Variants in TARS3 observed in about 807,000 individuals in gnomAD.
TARS3 encodes the protein threonine--tRNA ligase 2, cytoplasmic.
In TARS3, 94 loss-of-function variants were observed where a neutral mutation model predicts 103.5. That is an observed-to-expected ratio of 0.91 (90% confidence interval 0.77 to 1.08). The LOEUF is 1.08. TARS3 is among the 50% of genes least tolerant of loss of function. The probability of loss-of-function intolerance (pLI) is 0.00; values close to 1 mark genes in which losing one functional copy is unlikely to be tolerated. For missense variants in TARS3, 952 were observed against 995.2 expected (o/e 0.96, Z 0.58); for synonymous variants, 416 against 355.4 (o/e 1.17, Z -1.92).
intron 18 of TARS3, chr15:101,655,845 A>C: frequency 7.9e-7 from 1 of 1,266,304 alleles, no homozygotes; most frequent in South Asian, 1.3e-5. Flanking sequence ...TTACAGGCTC[A>C]CGCTGACTCC....
chr15:101,657,221 A>C (rs530219000), intron 17 of TARS3, among the ~76,000 whole-genome samples, 185 bp from the exon 18 acceptor site: 1 of 152,342 alleles, frequency 6.6e-6, no homozygotes, highest in South Asian at 2.1e-4. Context: ...CTAGTTTATA[A>C]AAGGCTGCAG....
chr15:101,679,832 C>G (rs1025263322), intron 12 of TARS3, among the ~76,000 whole-genome samples: 3 of 152,162 alleles, frequency 2.0e-5, no homozygotes, highest in African/African-American at 7.2e-5. Flanking sequence ...GAAAAGCAGT[C>G]CAAGCTCCTT....
chr15:101,654,395 C>T lies in TARS3; in HGVS notation c.*187G>A. The T allele has an allele frequency of 1.8e-6, 1 of 556,412 alleles. No individual in the cohort carries two copies. The highest frequency in any genetic ancestry group is 3.0e-6 in the Non-Finnish European group (1 of 336,862). 34.5% of individuals were successfully genotyped at this position (556,412 alleles called of 1,614,324 possible). On this transcript the variant is annotated 3_prime_UTR_variant, in exon 19 of 19. Transcript: ENST00000335968. The stretch of plus-strand genomic sequence containing the variant: ...AATTTCCCACGTGCCCTCTAAACGT[C>T]CCCCGTGGACATGAGTAAATTAAAC...
chr15:101,694,184 C>A, intron 10 of TARS3, among the ~76,000 whole-genome samples: 1 of 152,182 alleles, frequency 6.6e-6, no homozygotes, highest in Admixed American at 6.5e-5. Flanking sequence ...AGTTCACTTG[C>A]CTTTACTTAA....
chr15:101,702,436 T>G (rs769266446), intron 8 of TARS3, 51 bp from the exon 9 acceptor site: 26 of 1,464,836 alleles, frequency 1.8e-5, no homozygotes, highest in Non-Finnish European at 2.5e-5. Flanking sequence ...CAGTTGTAAG[T>G]AAAACTGCTC....
intron 17 of TARS3, 142 bp from the exon 18 acceptor site, chr15:101,657,178 A>T (rs1461564710): frequency 1.8e-6 from 1 of 560,332 alleles, no homozygotes; most frequent in Non-Finnish European, 3.1e-6. Flanking sequence ...GACCATAAAG[A>T]AGTGCGGAAG....
At chr15:101,716,989 T>A (rs1176645543) in intron 3 of TARS3, among the ~76,000 whole-genome samples, 1 of 151,984 alleles carries the variant, frequency 6.6e-6, no homozygotes, top group Non-Finnish European at 1.5e-5. Context: ...CCCAAGTAGC[T>A]GGGATTACAG....
At chr15:101,696,538 G>A (rs1463145647) in intron 10 of TARS3, among the ~76,000 whole-genome samples, 1 of 152,068 alleles carries the variant, frequency 6.6e-6, no homozygotes, top group East Asian at 1.9e-4. Context: ...TTAAGTTCTG[G>A]GATACTTTGC....
At chr15:101,690,540 C>T (rs1898669630) in intron 10 of TARS3, among the ~76,000 whole-genome samples, 1 of 152,038 alleles carries the variant, frequency 6.6e-6, no homozygotes, top group South Asian at 2.1e-4. Context: ...TTTGCTTTTA[C>T]CTATAAAAAG....
At chr15:101,686,165 A>AT (rs1203681029) in intron 10 of TARS3, 103 bp from the exon 11 acceptor site, 11 of 1,047,784 alleles carry the variant, frequency 1.0e-5, no homozygotes, top group Non-Finnish European at 1.5e-5. Flanking sequence ...CTCATGTCCT[A>AT]TATTAATTCA....
intron 3 of TARS3, among the ~76,000 whole-genome samples, chr15:101,718,764 A>C (rs542122170): frequency 7.0e-4 from 106 of 152,346 alleles, no homozygotes; most frequent in African/African-American, 2.4e-3. Context: ...GTCTCTATCT[A>C]GAAGATTCTT....
chr15:101,661,950 CTG>C (rs1897398483), intron 15 of TARS3, 134 bp from the exon 16 acceptor site: 1 of 504,806 alleles, frequency 2.0e-6, no homozygotes, highest in South Asian at 6.8e-5. Context: ...TGTTCTGTGA[CTG>C]TCTTGTTTTC....
At position 101,661,703 on chromosome 15, in the gene TARS3, A is replaced by G. The variant is rs374556327; in HGVS notation, c.2072+9T>C. 14 of 1,547,104 alleles carry G rather than the reference A, an allele frequency of 9.0e-6. No individual in the cohort carries two copies. Among genetic ancestry groups the G allele is most frequent in the Non-Finnish European group, 8.9e-6 (10 of 1,125,954 alleles). On this transcript the variant is annotated intron_variant, in intron 16 of 18. Coordinates refer to ENST00000335968, the MANE Select transcript of TARS3 (RefSeq NM_152334.3). ...TAGACATATAGTTTTTCTTTTCCAT[A>G]TCACTTACCATTTTCCGCCATAGTT...
At chr15:101,717,670 G>A (rs1159661493) in intron 3 of TARS3, among the ~76,000 whole-genome samples, 2 of 152,228 alleles carry the variant, frequency 1.3e-5, no homozygotes, top group Admixed American at 6.5e-5. Flanking sequence ...TCTGGACCAT[G>A]TAGACAACGG....
intron 15 of TARS3, chr15:101,664,307 C>G (rs1346289376): frequency 1.3e-5 from 2 of 152,242 alleles, no homozygotes; most frequent in Admixed American, 1.3e-4. Flanking sequence ...ATTCTGATGG[C>G]CCTAAGCAAT....
chr15:101,684,074 C>T lies in TARS3; in HGVS notation c.1650+1G>A. On this transcript the variant is annotated splice_donor_variant, in intron 12 of 18. Coordinates refer to ENST00000335968, the MANE Select transcript of TARS3 (RefSeq NM_152334.3). LOFTEE classifies it high-confidence loss of function. ...CTGCTTCACTCTGTGTTATTGTTTACCTGCTCCACTGTGCAAAAAATGTGA... is the reference window on the plus strand; with the variant it reads ...CTGCTTCACTCTGTGTTATTGTTTATCTGCTCCACTGTGCAAAAAATGTGA... 6.2e-7 allele frequency: 1 copy of T among 1,612,116 alleles called. No individual in the cohort carries two copies. The highest frequency in any genetic ancestry group is 8.5e-7 in the Non-Finnish European group (1 of 1,178,970).
chr15:101,676,346 G>T (rs1898025922), intron 12 of TARS3, among the ~76,000 whole-genome samples: 1 of 152,166 alleles, frequency 6.6e-6, no homozygotes, highest in Non-Finnish European at 1.5e-5. Context: ...GAATGAACTG[G>T]CAAGATTAGA....
intron 10 of TARS3, among the ~76,000 whole-genome samples, chr15:101,688,499 C>G (rs986719269): frequency 7.2e-5 from 11 of 152,284 alleles, no homozygotes; most frequent in African/African-American, 2.6e-4. Context: ...GGAGCTGAGT[C>G]TCTACCCATA....
At position 101,654,621 on chromosome 15, in the gene TARS3, G is replaced by C; in HGVS notation, c.2370C>G (p.Leu790=). The change falls in exon 19 of 19, where the codon CTC becomes CTG. Residue 790 remains leucine (L), a synonymous_variant. Transcript: ENST00000335968. ...VTSAIDKLKN[L]RKTRTLNAEE... ...CAGCATTGAGTGTCCGTGTCTTCCT[G>C]AGATTCTTCAGTTTATCAATGGCAG... The C allele has an allele frequency of 6.2e-7, 1 of 1,614,114 alleles. No individual in the cohort carries two copies. The highest frequency in any genetic ancestry group is 1.3e-5 in the African/African-American group (1 of 75,046).
Sources: gnomAD v4.1 joint callset for allele counts (sites outside exome capture counted in the v4.1 genomes callset) on GRCh38, gnomAD v4.1.1 for gene constraint, MANE v1.5 for transcripts, NCBI Gene and HGNC (gene_info 2026-07-23, HGNC 2026-07-21) for gene names.